Variants in MEGF9 observed in about 807,000 individuals in gnomAD.
The protein encoded by MEGF9 is multiple epidermal growth factor-like domains protein 9.
In MEGF9, 6 loss-of-function variants were observed where a neutral mutation model predicts 46.8. That is an observed-to-expected ratio of 0.13 (90% CI 0.07 to 0.25). The LOEUF (loss-of-function observed/expected upper bound fraction) is 0.25. MEGF9 is among the 10% of genes least tolerant of loss of function. The probability of loss-of-function intolerance (pLI) is 1.00; values close to 1 mark genes in which losing one functional copy is unlikely to be tolerated. For missense variants in MEGF9, 683 were observed against 792.4 expected (o/e 0.86, Z 1.66); for synonymous variants, 302 against 330.7 (o/e 0.91, Z 0.94).
intron 1 of MEGF9, among the ~76,000 whole-genome samples, chr9:120,672,294 A>G (rs2132328563): frequency 6.6e-6 from 1 of 152,294 alleles, no homozygotes; most frequent in East Asian, 1.9e-4. Flanking sequence ...CAGATCAAAA[A>G]AGAAACAAAA....
chr9:120,640,003 C>T (rs1182325015), intron 2 of MEGF9, among the ~76,000 whole-genome samples: 1 of 152,156 alleles, frequency 6.6e-6, no homozygotes, highest in East Asian at 1.9e-4. Flanking sequence ...TGATTTACTT[C>T]TGGGCTTTCT....
At chr9:120,625,210 T>G (rs905881798) in intron 2 of MEGF9, among the ~76,000 whole-genome samples, 7 of 152,334 alleles carry the variant, frequency 4.6e-5, no homozygotes, top group Non-Finnish European at 8.8e-5. Flanking sequence ...CCCAATGGGT[T>G]CACCTTGCCC....
rs1406151157 is a variant in MEGF9 at position 120,603,387 on chromosome 9, C to T, written c.*1803G>A. ...AACCTCTATTCTTCTGAGCAATGGC[C>T]AAATACGCAAAGCACCCTCAGATTA... On this transcript the variant is annotated 3_prime_UTR_variant, in exon 6 of 6. Transcript: ENST00000373930. The T allele has an allele frequency of 1.3e-5, 2 of 152,080 alleles. No homozygotes were observed. Among genetic ancestry groups the T allele is most frequent in the Non-Finnish European group, 2.9e-5 (2 of 68,024 alleles). 9.4% of individuals were successfully genotyped at this position (152,080 alleles called of 1,614,324 possible). A position where few individuals can be genotyped will look rare whatever the true frequency, so the allele number is the denominator to read the frequency against.
intron 2 of MEGF9, among the ~76,000 whole-genome samples, chr9:120,636,139 T>C (rs935496586): frequency 3.9e-5 from 6 of 152,178 alleles, no homozygotes; most frequent in Non-Finnish European, 8.8e-5. Context: ...GATTTCGTCA[T>C]ATTGGCCAGG....
intron 3 of MEGF9, among the ~76,000 whole-genome samples, chr9:120,618,357 T>C (rs796596597): frequency 2.6e-4 from 40 of 152,250 alleles, no homozygotes; most frequent in African/African-American, 9.4e-4. Flanking sequence ...CTGAAGTAAG[T>C]ATCATTGGGG....
At chr9:120,626,923 A>G (rs1271585422) in intron 2 of MEGF9, among the ~76,000 whole-genome samples, 1 of 152,218 alleles carries the variant, frequency 6.6e-6, no homozygotes, top group Non-Finnish European at 1.5e-5. Context: ...GAAAGCAACT[A>G]TGGACATGAT....
At chr9:120,643,323 C>A (rs570395314) in intron 2 of MEGF9, among the ~76,000 whole-genome samples, 1 of 152,180 alleles carries the variant, frequency 6.6e-6, no homozygotes, top group East Asian at 1.9e-4. Flanking sequence ...GAACAAGAGG[C>A]CTTCTATTTT....
At chr9:120,666,094 T>C (rs1317891003) in intron 1 of MEGF9, among the ~76,000 whole-genome samples, 1 of 152,200 alleles carries the variant, frequency 6.6e-6, no homozygotes, top group African/African-American at 2.4e-5. Flanking sequence ...ATATGAATTT[T>C]AGGGTTTTTT....
chr9:120,627,950 TA>T (rs2043532696), intron 2 of MEGF9, among the ~76,000 whole-genome samples: 2 of 152,180 alleles, frequency 1.3e-5, no homozygotes, highest in African/African-American at 4.8e-5. Flanking sequence ...AACTTAAAAA[TA>T]ACATTTTAAG....
At chr9:120,637,449 G>A (rs1482353639) in intron 2 of MEGF9, among the ~76,000 whole-genome samples, 3 of 150,370 alleles carry the variant, frequency 2.0e-5, no homozygotes, top group African/African-American at 7.4e-5. Context: ...AAAAAAAAGA[G>A]AGAAGAAATT....
intron 4 of MEGF9, 54 bp downstream of exon 4, chr9:120,612,342 T>C (rs570709163): frequency 3.6e-5 from 56 of 1,571,704 alleles, no homozygotes; most frequent in South Asian, 2.9e-4. Context: ...CTTATACCTA[T>C]TGATAACTGA....
At chr9:120,618,920 G>A (rs2043485317) in intron 3 of MEGF9, among the ~76,000 whole-genome samples, 1 of 151,378 alleles carries the variant, frequency 6.6e-6, no homozygotes, top group Admixed American at 6.6e-5. Flanking sequence ...AAGATTTTTA[G>A]TACTTCTCTT....
At chr9:120,631,990 C>T (rs1001201868) in intron 2 of MEGF9, among the ~76,000 whole-genome samples, 3 of 152,012 alleles carry the variant, frequency 2.0e-5, no homozygotes, top group East Asian at 1.9e-4. Flanking sequence ...TGCAGTGATG[C>T]GATCTCAGCT....
chr9:120,680,536 C>T (rs2043793494), intron 1 of MEGF9, among the ~76,000 whole-genome samples: 1 of 152,084 alleles, frequency 6.6e-6, no homozygotes, highest in Non-Finnish European at 1.5e-5. Context: ...ACGCATGCAC[C>T]CCTGTGGCCA....
chr9:120,608,304 A>T (rs1370434201), intron 4 of MEGF9, among the ~76,000 whole-genome samples: 1 of 152,222 alleles, frequency 6.6e-6, no homozygotes, highest in Non-Finnish European at 1.5e-5. Flanking sequence ...AGCTTATTGT[A>T]GGAATGATGG....
intron 2 of MEGF9, among the ~76,000 whole-genome samples, chr9:120,626,449 G>T (rs1439250920): frequency 3.3e-5 from 5 of 152,004 alleles, no homozygotes; most frequent in Admixed American, 2.6e-4. Context: ...TAACACTTTA[G>T]AAAAAAGCAT....
chr9:120,620,071 C>G (rs976775399), intron 3 of MEGF9, among the ~76,000 whole-genome samples: 3 of 152,200 alleles, frequency 2.0e-5, no homozygotes, highest in Non-Finnish European at 4.4e-5. Context: ...AAACAAAGAA[C>G]CCATTTATTT....
chr9:120,651,540 A>G (rs1034538327), intron 2 of MEGF9, among the ~76,000 whole-genome samples: 17 of 152,214 alleles, frequency 1.1e-4, no homozygotes, highest in Admixed American at 5.9e-4. Context: ...GGTTGCTATG[A>G]AAATTACATA....
intron 2 of MEGF9, among the ~76,000 whole-genome samples, chr9:120,635,297 AT>A (rs1197134993): frequency 7.2e-5 from 11 of 152,108 alleles, no homozygotes; most frequent in Non-Finnish European, 1.3e-4. Context: ...CTTGGATGGG[AT>A]CTTTTTGTGT....
Sources: allele counts gnomAD v4.1 joint callset (sites outside exome capture counted in the v4.1 genomes callset), GRCh38; gene constraint gnomAD v4.1.1; transcripts MANE v1.5; gene names NCBI Gene and HGNC (gene_info 2026-07-23, HGNC 2026-07-21).